RARB: variants seen among roughly 807,000 people sequenced by gnomAD.
RARB encodes retinoic acid receptor beta, also known as HBV-activated protein.
A neutral mutation model predicts 51.9 loss-of-function variants in RARB; 17 were observed. The observed-to-expected ratio is 0.33, with a 90% CI of 0.22 to 0.49. The LOEUF (loss-of-function observed/expected upper bound fraction) is 0.49, where lower values mean the gene tolerates loss of function less well. RARB is among the 20% of genes least tolerant of loss of function. The probability of loss-of-function intolerance (pLI) is 0.99; values close to 1 mark genes in which losing one functional copy is unlikely to be tolerated. For missense variants in RARB, 369 were observed against 550.8 expected, an observed-to-expected ratio of 0.67 and a Z score of 3.30; for synonymous variants, 215 against 195.4, an observed-to-expected ratio of 1.10 and a Z score of -0.84.
intron 2 of RARB, among the ~76,000 whole-genome samples, chr3:24,996,365 GTCTA>G (rs1490741885): frequency 6.6e-6 from 1 of 151,728 alleles, no homozygotes; most frequent in East Asian, 1.9e-4. Context: ...TTTCTCATTA[GTCTA>G]TCTAATGATT....
chr3:25,592,724 C>G (rs1701659290), intron 5 of RARB, among the ~76,000 whole-genome samples: 1 of 152,218 alleles, frequency 6.6e-6, no homozygotes, highest in Non-Finnish European at 1.5e-5. Context: ...CAGAGTGACT[C>G]AGGCTTTTTG....
intron 5 of RARB, among the ~76,000 whole-genome samples, chr3:25,315,856 G>T (rs322663): frequency 0.36 from 54,007 of 151,490 alleles, 10,303 homozygotes; most frequent in African/African-American, 0.48. Context: ...TGACCTCAAG[G>T]GTTCTGCCCG....
At chr3:25,013,042 A>G (rs1697431478) in intron 2 of RARB, among the ~76,000 whole-genome samples, 1 of 152,084 alleles carries the variant, frequency 6.6e-6, no homozygotes, top group South Asian at 2.1e-4. Context: ...AAGGAATCTC[A>G]ATGACTTGTT....
chr3:25,238,327 C>T (rs1339059983), intron 5 of RARB, among the ~76,000 whole-genome samples: 2 of 152,102 alleles, frequency 1.3e-5, no homozygotes, highest in African/African-American at 2.4e-5. Context: ...TTAAAAATGA[C>T]ATGATTTTAT....
chr3:25,273,595 G>T (rs1703303840), intron 5 of RARB, among the ~76,000 whole-genome samples: 1 of 152,194 alleles, frequency 6.6e-6, no homozygotes, highest in South Asian at 2.1e-4. Context: ...CAAGGTGACA[G>T]TGTTTGTGAC....
chr3:25,086,466 A>G (rs1699107663), intron 3 of RARB, among the ~76,000 whole-genome samples: 1 of 152,130 alleles, frequency 6.6e-6, no homozygotes, highest in African/African-American at 2.4e-5. Flanking sequence ...AAGAGTTTGA[A>G]TTGTTGAAGG....
At chr3:25,098,679 G>A (rs938571550) in intron 3 of RARB, among the ~76,000 whole-genome samples, 1 of 152,168 alleles carries the variant, frequency 6.6e-6, no homozygotes, top group Non-Finnish European at 1.5e-5. Flanking sequence ...TTGCACTGCA[G>A]TGGAAAAGTT....
chr3:25,252,466 C>G (rs984000978), intron 5 of RARB, among the ~76,000 whole-genome samples: 3 of 152,130 alleles, frequency 2.0e-5, no homozygotes, highest in South Asian at 2.1e-4. Flanking sequence ...ATATTGTCTT[C>G]CAGTCCATGA....
intron 2 of RARB, among the ~76,000 whole-genome samples, chr3:24,941,439 G>A (rs763682274): frequency 3.3e-5 from 5 of 150,952 alleles, no homozygotes; most frequent in Admixed American, 6.6e-5. Flanking sequence ...GCACGATCTC[G>A]GCTCACTGCA....
intron 2 of RARB, among the ~76,000 whole-genome samples, chr3:24,890,857 A>G (rs1216115911): frequency 6.6e-6 from 1 of 151,736 alleles, no homozygotes; most frequent in Non-Finnish European, 1.5e-5. Flanking sequence ...ATAAAAAAAA[A>G]TGCGGTTTGA....
At chr3:25,586,517 C>A (rs184567151) in intron 5 of RARB, among the ~76,000 whole-genome samples, 1 of 152,254 alleles carries the variant, frequency 6.6e-6, no homozygotes, top group African/African-American at 2.4e-5. Flanking sequence ...TGGAATATCA[C>A]GCCTGTTAAG....
intron 5 of RARB, among the ~76,000 whole-genome samples, chr3:25,288,786 CT>C (rs1260190830): frequency 3.3e-5 from 5 of 152,074 alleles, no homozygotes; most frequent in Non-Finnish European, 7.4e-5. Flanking sequence ...TTCTTCTCCC[CT>C]ACAGATTGAA....
At chr3:25,285,708 G>T (rs1339411066) in intron 5 of RARB, among the ~76,000 whole-genome samples, 1 of 152,156 alleles carries the variant, frequency 6.6e-6, no homozygotes, top group East Asian at 1.9e-4. Context: ...TGCAGAGGAC[G>T]CAGTGTGACT....
At chr3:25,187,673 G>A (rs77757501) in intron 5 of RARB, among the ~76,000 whole-genome samples, 402 of 152,092 alleles carry the variant, frequency 2.6e-3, no homozygotes, top group Non-Finnish European at 4.6e-3. Flanking sequence ...TTGTTGTGAC[G>A]AGGCACAGAT....
intron 2 of RARB, among the ~76,000 whole-genome samples, chr3:25,036,297 T>A (rs1603993): frequency 0.42 from 63,244 of 151,816 alleles, 13,272 homozygotes; most frequent in South Asian, 0.57. Flanking sequence ...GTTATGAAAC[T>A]CTCACAAAGC....
chr3:25,576,545 A>G (rs1348890332), intron 4 of RARB, among the ~76,000 whole-genome samples: 3 of 152,080 alleles, frequency 2.0e-5, no homozygotes, highest in Non-Finnish European at 2.9e-5. Context: ...GGTCCTTTCC[A>G]AGGTCATGTC....
chr3:25,031,458 T>TC (rs1312412762), intron 2 of RARB, among the ~76,000 whole-genome samples: 3 of 152,124 alleles, frequency 2.0e-5, no homozygotes, highest in Admixed American at 6.6e-5. Context: ...TTATGAGGCC[T>TC]CCCCCTTAGA....
rs138998587 is a variant in RARB, at chr3:24,859,507, A to G, written c.-380+755A>G. 4.5e-4 allele frequency among the ~76,000 whole-genome samples: 68 copies of G among 152,064 alleles called. 1 individual carries two copies. In the East Asian group the frequency reaches 8.7e-3, roughly 19 times the overall value. ...TCTAAAGCAGCTCTCTTGCTTTAGA[A>G]GGTTTTGGTCTCAAACCTCTGTATT... On this transcript the variant is annotated intron_variant, in intron 2 of 11. Transcript: ENST00000383772.
intron 2 of RARB, among the ~76,000 whole-genome samples, chr3:24,929,370 T>C (rs1305180661): frequency 6.6e-6 from 1 of 152,074 alleles, no homozygotes; most frequent in Non-Finnish European, 1.5e-5. Flanking sequence ...GATCTAACCA[T>C]GCTCTGAGAG....
Sources: allele counts gnomAD v4.1 joint callset (sites outside exome capture counted in the v4.1 genomes callset), GRCh38; gene constraint gnomAD v4.1.1; transcripts MANE v1.5; gene names NCBI Gene and HGNC (gene_info 2026-07-23, HGNC 2026-07-21).